CDK14: variants seen among roughly 807,000 people sequenced by gnomAD.
The protein encoded by CDK14 is cyclin-dependent kinase 14.
CDK14 carries 34 observed loss-of-function variants against 60.7 expected under a neutral mutation model. The ratio of observed to expected loss-of-function variants is 0.56; its 90% confidence interval spans 0.43 to 0.75. CDK14 has a LOEUF of 0.75. Among genes scored for constraint, CDK14 ranks in the 30% least tolerant of loss-of-function variants. The probability of loss-of-function intolerance (pLI) is 0.00; values close to 1 mark genes in which losing one functional copy is unlikely to be tolerated. For missense variants in CDK14, 482 were observed against 564.1 expected (o/e 0.85, Z 1.47); for synonymous variants, 197 against 203.7 (o/e 0.97, Z 0.28).
At chr7:91,014,598 A>G (rs950174606) in intron 10 of CDK14, among the ~76,000 whole-genome samples, 2 of 152,188 alleles carry the variant, frequency 1.3e-5, no homozygotes, top group Non-Finnish European at 2.9e-5. Flanking sequence ...ATGTAGAGGT[A>G]GCAGTAGTAT....
chr7:90,993,914 G>A (rs1795607131), intron 10 of CDK14, among the ~76,000 whole-genome samples: 1 of 151,892 alleles, frequency 6.6e-6, no homozygotes, highest in Admixed American at 6.6e-5. Context: ...AGACTTTTCT[G>A]GAGGCTATGG....
chr7:90,685,956 A>G, intron 2 of CDK14, among the ~76,000 whole-genome samples: 1 of 151,948 alleles, frequency 6.6e-6, no homozygotes, highest in East Asian at 1.9e-4. Flanking sequence ...TTTTGATTGT[A>G]CTTTTTATTT....
At chr7:90,901,947 T>G (rs576636549) in intron 7 of CDK14, among the ~76,000 whole-genome samples, 9 of 152,118 alleles carry the variant, frequency 5.9e-5, no homozygotes, top group Non-Finnish European at 1.2e-4. Context: ...ATATAAAAAT[T>G]TGTAGTATTT....
chr7:90,604,116 A>G, intron 1 of CDK14, 102 bp from the exon 2 acceptor site: 1 of 722,792 alleles, frequency 1.4e-6, no homozygotes, highest in Non-Finnish European at 2.2e-6. Flanking sequence ...TACTTTCTGA[A>G]ATGAAAACAC....
At chr7:91,171,248 G>T (rs1801508338) in intron 14 of CDK14, among the ~76,000 whole-genome samples, 1 of 152,024 alleles carries the variant, frequency 6.6e-6, no homozygotes, top group African/African-American at 2.4e-5. Context: ...TACTCAGGAG[G>T]CTGAGGCAGG....
At chr7:90,800,113 ATTCCCATGTGCT>A (rs1326028370) in intron 5 of CDK14, among the ~76,000 whole-genome samples, 1 of 152,148 alleles carries the variant, frequency 6.6e-6, no homozygotes, top group African/African-American at 2.4e-5. Context: ...ATGTCTGAGT[ATTCCCATGTGCT>A]TTATCCACCT....
intron 5 of CDK14, among the ~76,000 whole-genome samples, chr7:90,794,330 C>T (rs1442519151): frequency 9.2e-5 from 14 of 152,038 alleles, no homozygotes; most frequent in Non-Finnish European, 1.6e-4. Context: ...GAGACAGTGT[C>T]GGGGAGCAGA....
chr7:90,622,085 G>C (rs986547129), intron 2 of CDK14, among the ~76,000 whole-genome samples: 5 of 152,190 alleles, frequency 3.3e-5, no homozygotes, highest in Non-Finnish European at 7.3e-5. Context: ...GTAGCCTTAG[G>C]CTGTGGGACT....
chr7:90,722,993 G>A (rs995713438), intron 2 of CDK14, among the ~76,000 whole-genome samples: 2 of 152,162 alleles, frequency 1.3e-5, no homozygotes, highest in African/African-American at 2.4e-5. Flanking sequence ...AAATCAAAGT[G>A]TTTGTGAAAG....
At chr7:90,708,601 A>C (rs1176468591) in intron 2 of CDK14, among the ~76,000 whole-genome samples, 1 of 152,188 alleles carries the variant, frequency 6.6e-6, no homozygotes, top group Non-Finnish European at 1.5e-5. Flanking sequence ...AGGTGAAGAT[A>C]GTTTGCAAGT....
intron 7 of CDK14, 22 bp downstream of exon 7, chr7:90,899,375 C>A (rs1792430861): frequency 6.3e-7 from 1 of 1,575,188 alleles, no homozygotes; most frequent in Non-Finnish European, 8.6e-7. Context: ...TCTTTTTAAG[C>A]CAAAGGTTAG....
intron 8 of CDK14, among the ~76,000 whole-genome samples, chr7:90,934,555 T>C (rs1431412631): frequency 2.6e-5 from 4 of 152,250 alleles, no homozygotes; most frequent in Non-Finnish European, 4.4e-5. Flanking sequence ...TATCAAGGAA[T>C]TGGAAGTCCA....
chr7:90,627,021 T>A (rs1416037109), intron 2 of CDK14, among the ~76,000 whole-genome samples: 2 of 152,202 alleles, frequency 1.3e-5, no homozygotes, highest in African/African-American at 2.4e-5. Flanking sequence ...CAGATAACTT[T>A]ACTTTTATTA....
intron 2 of CDK14, among the ~76,000 whole-genome samples, chr7:90,686,336 C>T (rs1432453393): frequency 6.6e-6 from 1 of 152,118 alleles, no homozygotes; most frequent in Non-Finnish European, 1.5e-5. Context: ...GAAGATTTTA[C>T]AGTGCCTCTC....
At chr7:90,963,645 T>C (rs1371803028) in intron 9 of CDK14, among the ~76,000 whole-genome samples, 2 of 151,394 alleles carry the variant, frequency 1.3e-5, no homozygotes, top group Admixed American at 1.3e-4. Flanking sequence ...CGTAATAAAT[T>C]ATGTGCGTAT....
At chr7:91,068,802 T>C (rs1335793965) in intron 11 of CDK14, among the ~76,000 whole-genome samples, 1 of 105,722 alleles carries the variant, frequency 9.5e-6, no homozygotes, top group Non-Finnish European at 1.7e-5. Flanking sequence ...AGTGATACCT[T>C]ATATTAAAAA....
chr7:90,605,467 G>A (rs958161969), intron 2 of CDK14, among the ~76,000 whole-genome samples: 4 of 152,126 alleles, frequency 2.6e-5, no homozygotes, highest in Non-Finnish European at 4.4e-5. Flanking sequence ...TTCATAGTGG[G>A]CAATAATGGA....
chr7:90,997,864 C>T (rs1562861862), intron 10 of CDK14, among the ~76,000 whole-genome samples: 1 of 152,136 alleles, frequency 6.6e-6, no homozygotes, highest in Admixed American at 6.5e-5. Flanking sequence ...GTAAGCCTGA[C>T]AGTGGGCTTC....
intron 2 of CDK14, among the ~76,000 whole-genome samples, chr7:90,712,288 A>C (rs1802093695): frequency 6.6e-6 from 1 of 151,872 alleles, no homozygotes; most frequent in Non-Finnish European, 1.5e-5. Context: ...GCTCTCATTA[A>C]ATAGTAACTC....
Sources: allele counts gnomAD v4.1 joint callset (sites outside exome capture counted in the v4.1 genomes callset), GRCh38; gene constraint gnomAD v4.1.1; transcripts MANE v1.5; gene names NCBI Gene and HGNC (gene_info 2026-07-23, HGNC 2026-07-21).